WNT3: variants seen among roughly 807,000 people sequenced by gnomAD.
The protein encoded by WNT3 is proto-oncogene Wnt-3.
A neutral mutation model predicts 34.2 loss-of-function variants in WNT3; 7 were observed. The ratio of observed to expected loss-of-function variants is 0.20; its 90% confidence interval spans 0.12 to 0.38. WNT3 has a LOEUF of 0.38. Among genes scored for constraint, WNT3 ranks in the 10% least tolerant of loss-of-function variants. The pLI is 1.00. For missense variants in WNT3, 267 were observed against 499.8 expected (o/e 0.53, Z 4.44); for synonymous variants, 212 against 211.5 (o/e 1.00, Z -0.02).
rs758825627 is a variant in WNT3, at chr17:46,768,290, C to T, written c.*8+22G>A. The T allele has an allele frequency of 1.5e-5, 24 of 1,612,610 alleles. No individual in the cohort carries two copies. The highest frequency in any genetic ancestry group is 8.9e-5 in the East Asian group (4 of 44,896). On this transcript the variant is annotated intron_variant, in intron 4 of 4. Transcript: ENST00000225512. This position sits in a 1 kb window ranked among gnomAD's most constrained non-coding sequence, Gnocchi z 5.0. ...CCCTGCGCCCAGGCTCCCAGCCTCC[C>T]CCCTGCTTCCCGGAGCCCTACCTGG... is the stretch of plus-strand genomic sequence containing the variant.
At chr17:46,766,720 G>A (rs907243413) in intron 4 of WNT3, among the ~76,000 whole-genome samples, 6 of 152,058 alleles carry the variant, frequency 3.9e-5, no homozygotes, top group Admixed American at 1.3e-4. Flanking sequence ...AGAGAGGCCC[G>A]TCCACTTCCC....
Position 46,818,608 on chromosome 17 carries a change from G to A in WNT3, c.-11C>T, listed in dbSNP as rs1439966911. 5 of 1,588,928 alleles carry A rather than the reference G, an allele frequency of 3.1e-6. No individual in the cohort carries two copies. The Admixed American group carries it at 7.1e-5, about 22-fold the overall frequency. On this transcript the variant is annotated 5_prime_UTR_variant, in exon 1 of 5. Coordinates refer to ENST00000225512, the MANE Select transcript of WNT3 (RefSeq NM_030753.5). ...CAGGTGGGGCTCCATTAGAAGAGGC[G>A]CCGAGGAGGAAGTTTGCCCGCGACC...
intron 1 of WNT3, among the ~76,000 whole-genome samples, chr17:46,787,371 T>C (rs900400671): frequency 2.0e-5 from 3 of 152,190 alleles, no homozygotes; most frequent in African/African-American, 4.8e-5. Flanking sequence ...CCACGCATGT[T>C]AGTGATTCTA....
intron 1 of WNT3, among the ~76,000 whole-genome samples, chr17:46,784,888 G>A (rs1321072925): frequency 6.6e-6 from 1 of 150,914 alleles, no homozygotes; most frequent in Non-Finnish European, 1.5e-5. Context: ...CCATTCTCCT[G>A]CCTCAGCCTC....
chr17:46,769,846 C>A lies in WNT3; in HGVS notation c.525G>T (p.Ala175=). Residue 175 remains alanine, a synonymous_variant, in exon 3 of 5, where the codon GCG becomes GCT. Coordinates refer to ENST00000225512, the MANE Select transcript of WNT3 (RefSeq NM_030753.5). Reference sequence around the variant, plus strand: ...AGCGCGCGTCCGGCCTGTTCTCGCGCGCATCCGCGAACTCCCTGGACACTA... The same window carrying A: ...AGCGCGCGTCCGGCCTGTTCTCGCGAGCATCCGCGAACTCCCTGGACACTA... ...GVLVSREFAD[A]RENRPDARSA... 1 of 1,613,426 alleles carries A rather than the reference C, an allele frequency of 6.2e-7. No homozygotes were observed. Among genetic ancestry groups the A allele is most frequent in the Non-Finnish European group, 8.5e-7 (1 of 1,179,898 alleles).
At chr17:46,807,728 C>T (rs769339391) in intron 1 of WNT3, among the ~76,000 whole-genome samples, 8 of 152,156 alleles carry the variant, frequency 5.3e-5, no homozygotes, top group Non-Finnish European at 8.8e-5. Flanking sequence ...CATGTCTGCC[C>T]TCAAGAGGCT....
At chr17:46,816,125 A>ACGCACG (rs2084340977) in intron 1 of WNT3, among the ~76,000 whole-genome samples, 2 of 128,690 alleles carry the variant, frequency 1.6e-5, no homozygotes, top group African/African-American at 2.9e-5. Context: ...ACACACACAC[A>ACGCACG]CACACTCACA....
intron 1 of WNT3, among the ~76,000 whole-genome samples, chr17:46,782,053 A>G (rs971416188): frequency 1.3e-5 from 2 of 152,188 alleles, no homozygotes; most frequent in African/African-American, 2.4e-5. Context: ...GAGCTGCAGA[A>G]GGTGGACCCA....
intron 2 of WNT3, among the ~76,000 whole-genome samples, chr17:46,771,638 CGCCGG>C (rs2059371201): frequency 6.9e-6 from 1 of 145,196 alleles, no homozygotes; most frequent in Non-Finnish European, 1.5e-5. Context: ...ATAATGCGGC[CGCCGG>C]GCCCGGGCCG....
At chr17:46,786,439 G>C (rs1164896023) in intron 1 of WNT3, among the ~76,000 whole-genome samples, 1 of 152,248 alleles carries the variant, frequency 6.6e-6, no homozygotes, top group Non-Finnish European at 1.5e-5. Flanking sequence ...CCTAGGCCCA[G>C]AGGGGTGTCC....
intron 1 of WNT3, among the ~76,000 whole-genome samples, chr17:46,793,875 G>A (rs2059028056): frequency 6.6e-6 from 1 of 152,188 alleles, no homozygotes; most frequent in African/African-American, 2.4e-5. Context: ...AAGTGGAGGT[G>A]GAGTTGGACC....
chr17:46,773,636 C>T (rs2059392082), intron 2 of WNT3, 32 bp downstream of exon 2: 1 of 431,770 alleles, frequency 2.3e-6, no homozygotes, highest in East Asian at 7.2e-5. Context: ...CCCCACCCAG[C>T]CCCTCCCCCC....
chr17:46,810,116 C>T (rs2084254005), intron 1 of WNT3, among the ~76,000 whole-genome samples: 1 of 150,916 alleles, frequency 6.6e-6, no homozygotes, highest in East Asian at 2.0e-4. Flanking sequence ...AAGCGATTCT[C>T]CTGCCTCAGC....
At chr17:46,779,101 A>ACACACACACACACACACC (rs1555683652) in intron 1 of WNT3, among the ~76,000 whole-genome samples, 2 of 139,976 alleles carry the variant, frequency 1.4e-5, no homozygotes, top group Non-Finnish European at 3.0e-5. Flanking sequence ...ACACACACAC[A>ACACACACACACACACACC]CACCCCAGCC....
At chr17:46,771,936 C>G (rs990350504) in intron 2 of WNT3, among the ~76,000 whole-genome samples, 7 of 146,872 alleles carry the variant, frequency 4.8e-5, no homozygotes, top group Non-Finnish European at 1.1e-4. Context: ...CCCGCCGCGC[C>G]GCCGCCGCGC....
chr17:46,769,923 C>A lies in WNT3; in HGVS notation c.448G>T (p.Gly150Cys). Residue 150 changes from glycine (G) to cysteine (C), a missense_variant, in exon 3 of 5, where the codon GGC becomes TGC. By Grantham distance (159) the Gly-to-Cys change is radical. Coordinates refer to ENST00000225512, the MANE Select transcript of WNT3 (RefSeq NM_030753.5). ...CAGCCGCCCCACTTCCAGCCTTCGC[C>A]AGGCGGCCCCTTATGATGCGAGTCA... ...GCDSHHKGPP[G>C]EGWKWGGCSE... 1 of 1,613,488 alleles carries A rather than the reference C, an allele frequency of 6.2e-7. No individual in the cohort carries two copies. Among genetic ancestry groups the A allele is most frequent in the Non-Finnish European group, 8.5e-7 (1 of 1,179,884 alleles).
chr17:46,805,431 G>A (rs2084182081), intron 1 of WNT3, among the ~76,000 whole-genome samples: 1 of 151,892 alleles, frequency 6.6e-6, no homozygotes, highest in South Asian at 2.1e-4. Flanking sequence ...AAATTAGCCA[G>A]GTGTGGTGGC....
intron 1 of WNT3, among the ~76,000 whole-genome samples, chr17:46,787,433 C>T (rs535437284): frequency 6.6e-6 from 1 of 152,302 alleles, no homozygotes; most frequent in East Asian, 1.9e-4. Context: ...TTTGACATCA[C>T]CTAGTTCAGC....
At chr17:46,769,622 G>A (rs1235161065) in intron 3 of WNT3, among the ~76,000 whole-genome samples, 161 bp downstream of exon 3, 1 of 152,116 alleles carries the variant, frequency 6.6e-6, no homozygotes, top group African/African-American at 2.4e-5. Flanking sequence ...GTGGACAGAC[G>A]AAGTGGCTGT....
Sources: allele counts gnomAD v4.1 joint callset (sites outside exome capture counted in the v4.1 genomes callset), GRCh38; gene constraint gnomAD v4.1.1; non-coding constraint Gnocchi (gnomAD v3.1); transcripts MANE v1.5; gene names NCBI Gene and HGNC (gene_info 2026-07-23, HGNC 2026-07-21).